Variants in FOXP1 observed in about 807,000 individuals in gnomAD.
FOXP1 encodes the protein forkhead box protein P1.
Under a neutral mutation model 98.2 loss-of-function variants are expected in FOXP1, and 15 were observed. The observed-to-expected ratio is 0.15, with a 90% confidence interval of 0.10 to 0.24. The LOEUF (loss-of-function observed/expected upper bound fraction) is 0.24. FOXP1 is among the 10% of genes least tolerant of loss of function. FOXP1 has a pLI of 1.00. For missense variants in FOXP1, 633 were observed against 848.5 expected (o/e 0.75, Z 3.15); for synonymous variants, 371 against 314.5 (o/e 1.18, Z -1.90).
chr3:71,397,086 GTATA>G lies in FOXP1; in HGVS notation c.-167-37846_-167-37843del, dbSNP rs55693037. 3.0e-3 allele frequency among the ~76,000 whole-genome samples: 148 copies of G among 49,478 alleles called. 1 individual carries two copies. Among genetic ancestry groups the G allele is most frequent in the African/African-American group, 6.8e-3 (86 of 12,618 alleles). The allele number at this position is 49,478 out of a possible 152,430, so 32.5% of individuals were successfully genotyped here. A position where few individuals can be genotyped will look rare whatever the true frequency, so the allele number is the denominator to read the frequency against. On this transcript the variant is annotated intron_variant, in intron 3 of 20. Coordinates refer to ENST00000649528, the MANE Select transcript of FOXP1 (RefSeq NM_001349338.3). ...TGTATATATATATACATATATATGT[GTATA>G]TATATATATACATATATATATATGT...
intron 4 of FOXP1, among the ~76,000 whole-genome samples, chr3:71,344,032 C>A (rs1000625381): frequency 6.6e-6 from 1 of 152,240 alleles, no homozygotes; most frequent in South Asian, 2.1e-4. Flanking sequence ...CAGTTCCAGG[C>A]GCAACCAAGG....
intron 6 of FOXP1, among the ~76,000 whole-genome samples, chr3:71,125,948 A>G (rs933403806): frequency 1.3e-5 from 2 of 152,300 alleles, no homozygotes; most frequent in South Asian, 2.1e-4. Flanking sequence ...TTCTTCTTCA[A>G]TAAGAATGGG....
At chr3:71,482,806 T>C (rs549745858) in intron 3 of FOXP1, among the ~76,000 whole-genome samples, 2 of 152,102 alleles carry the variant, frequency 1.3e-5, no homozygotes, top group Admixed American at 1.3e-4. Context: ...ATAACACTGG[T>C]TAGGAAGAGA....
intron 12 of FOXP1, among the ~76,000 whole-genome samples, chr3:71,009,593 C>G (rs1374770656): frequency 6.6e-6 from 1 of 152,070 alleles, no homozygotes; most frequent in Non-Finnish European, 1.5e-5. Flanking sequence ...AGTCACAACT[C>G]CTTTTCCTAG....
intron 2 of FOXP1, among the ~76,000 whole-genome samples, chr3:71,504,268 G>A (rs574840558): frequency 3.3e-5 from 5 of 151,958 alleles, no homozygotes; most frequent in African/African-American, 1.2e-4. Context: ...AACCCACCAA[G>A]GAACCAAAGC....
chr3:71,421,383 A>C (rs193266806), intron 3 of FOXP1, among the ~76,000 whole-genome samples: 49 of 152,382 alleles, frequency 3.2e-4, no homozygotes, highest in Admixed American at 5.2e-4. Flanking sequence ...AGAAAAAAAG[A>C]ATAAAGTTGC....
chr3:71,192,398 G>A (rs2063042798), intron 6 of FOXP1, among the ~76,000 whole-genome samples: 1 of 152,176 alleles, frequency 6.6e-6, no homozygotes, highest in South Asian at 2.1e-4. Flanking sequence ...AGGCCTATGG[G>A]TAAAAATGAG....
chr3:71,495,622 C>T (rs2091354042), intron 2 of FOXP1, among the ~76,000 whole-genome samples: 1 of 152,118 alleles, frequency 6.6e-6, no homozygotes, highest in South Asian at 2.1e-4. Flanking sequence ...TCTATTCTTA[C>T]AACAAAGTTC....
intron 3 of FOXP1, among the ~76,000 whole-genome samples, chr3:71,466,043 A>C (rs775331036): frequency 5.3e-5 from 8 of 152,210 alleles, no homozygotes; most frequent in Non-Finnish European, 1.2e-4. Flanking sequence ...GGTGCCAAAA[A>C]GGTTGGGGAC....
chr3:71,020,848 C>A (rs190935969), intron 11 of FOXP1, among the ~76,000 whole-genome samples: 158 of 152,254 alleles, frequency 1.0e-3, no homozygotes, highest in African/African-American at 3.6e-3. Flanking sequence ...ATTTCTGATT[C>A]ATCTGCAGCA....
At chr3:70,991,458 G>T (rs1423428889) in intron 13 of FOXP1, among the ~76,000 whole-genome samples, 1 of 152,154 alleles carries the variant, frequency 6.6e-6, no homozygotes. Flanking sequence ...CATCCTCAAA[G>T]ATACAAACTA....
intron 7 of FOXP1, among the ~76,000 whole-genome samples, chr3:71,059,509 T>C (rs1559840675): frequency 6.6e-6 from 1 of 152,132 alleles, no homozygotes; most frequent in Non-Finnish European, 1.5e-5. Flanking sequence ...GCTTCTCCCA[T>C]TAGCAATTGT....
At chr3:71,131,818 T>C (rs2059587292) in intron 6 of FOXP1, among the ~76,000 whole-genome samples, 1 of 152,066 alleles carries the variant, frequency 6.6e-6, no homozygotes, top group Admixed American at 6.5e-5. Context: ...AAGAGACATA[T>C]TAGGTGGAAC....
chr3:71,214,391 C>T (rs1455740302), intron 5 of FOXP1, among the ~76,000 whole-genome samples: 1 of 152,166 alleles, frequency 6.6e-6, no homozygotes, highest in Non-Finnish European at 1.5e-5. Flanking sequence ...AGTGGGGCCA[C>T]TTCTCTTTGC....
intron 7 of FOXP1, among the ~76,000 whole-genome samples, chr3:71,087,543 AG>A (rs2055270181): frequency 6.6e-6 from 1 of 152,218 alleles, no homozygotes; most frequent in South Asian, 2.1e-4. Context: ...GAGAGATGCC[AG>A]CTGGTATTGA....
At chr3:71,180,435 C>T (rs1217752008) in intron 6 of FOXP1, among the ~76,000 whole-genome samples, 1 of 151,406 alleles carries the variant, frequency 6.6e-6, no homozygotes, top group Admixed American at 6.6e-5. Flanking sequence ...CGTGTAAAAT[C>T]GTAGATGTTT....
chr3:71,107,914 A>AC (rs1226602827), intron 7 of FOXP1, among the ~76,000 whole-genome samples: 4 of 152,180 alleles, frequency 2.6e-5, no homozygotes, highest in African/African-American at 9.7e-5. Flanking sequence ...AACCTCCTCC[A>AC]CTTAAAGCAA....
intron 2 of FOXP1, among the ~76,000 whole-genome samples, chr3:71,495,163 G>C (rs936653386): frequency 2.6e-5 from 4 of 152,094 alleles, no homozygotes; most frequent in African/African-American, 9.7e-5. Context: ...CTCAGGGCTG[G>C]TGCACTTGCT....
At chr3:71,321,707 T>C (rs2075401226) in intron 4 of FOXP1, among the ~76,000 whole-genome samples, 1 of 151,936 alleles carries the variant, frequency 6.6e-6, no homozygotes, top group African/African-American at 2.4e-5. Context: ...CTGCAACCTC[T>C]GCCTCCCAGG....
Sources: gnomAD v4.1 joint callset for allele counts (sites outside exome capture counted in the v4.1 genomes callset) on GRCh38, gnomAD v4.1.1 for gene constraint, MANE v1.5 for transcripts, NCBI Gene and HGNC (gene_info 2026-07-23, HGNC 2026-07-21) for gene names.